MYL1: variants seen among roughly 807,000 people sequenced by gnomAD.
The protein encoded by MYL1 is myosin light chain 1/3, skeletal muscle isoform.
A neutral mutation model predicts 21.8 loss-of-function variants in MYL1; 16 were observed. The observed-to-expected ratio is 0.74, with a 90% CI of 0.50 to 1.12. The LOEUF (loss-of-function observed/expected upper bound fraction) is 1.12, where lower values mean the gene tolerates loss of function less well. Ranked by LOEUF, MYL1 falls within the 50% of genes most tolerant of loss-of-function variation. The pLI is 0.00. For synonymous variants in MYL1, 99 were observed against 85.2 expected, an observed-to-expected ratio of 1.16 and a Z score of -0.89; for missense variants, 246 against 241.0, an observed-to-expected ratio of 1.02 and a Z score of -0.14.
intron 3 of MYL1, among the ~76,000 whole-genome samples, chr2:210,296,909 T>C (rs958608798): frequency 6.6e-6 from 1 of 152,012 alleles, no homozygotes; most frequent in Non-Finnish European, 1.5e-5. Context: ...CTGGCTCATT[T>C]TACTTAACAT....
At chr2:210,291,219 T>C (rs986659879) in intron 5 of MYL1, 145 bp from the exon 6 acceptor site, 3 of 621,554 alleles carry the variant, frequency 4.8e-6, no homozygotes, top group Non-Finnish European at 8.3e-6. Context: ...TGTGTATAGC[T>C]CATAATTCTT....
intron 4 of MYL1, 99 bp from the exon 5 acceptor site, chr2:210,293,899 A>G: frequency 1.0e-6 from 1 of 982,934 alleles, no homozygotes. Flanking sequence ...TAAACTCTTG[A>G]CATATAGGAA....
rs1324396165 is a variant in MYL1 at position 210,291,077 on chromosome 2, G to A, written c.557-3C>T. 1.9e-6 allele frequency: 3 copies of A among 1,609,420 alleles called. No individual in the cohort carries two copies. Among genetic ancestry groups the A allele is most frequent in the Admixed American group, 1.7e-5 (1 of 59,898 alleles). ...AGACATGATGTGCTTGACAAAAGCT[G>A]TAGGAGCAAAATAGACAAAATAGAC... On this transcript the variant is annotated splice_polypyrimidine_tract_variant and splice_region_variant and intron_variant, in intron 5 of 6. Transcript: ENST00000352451.
intron 3 of MYL1, among the ~76,000 whole-genome samples, chr2:210,296,888 T>C (rs867037536): frequency 6.6e-6 from 1 of 152,074 alleles, no homozygotes; most frequent in Non-Finnish European, 1.5e-5. Flanking sequence ...TGTAGACTTA[T>C]CTTTCCATCC....
At chr2:210,293,302 C>T (rs1292421332) in intron 5 of MYL1, among the ~76,000 whole-genome samples, 1 of 152,172 alleles carries the variant, frequency 6.6e-6, no homozygotes, top group South Asian at 2.1e-4. Flanking sequence ...GTAAATTTTA[C>T]CACCAGCCTG....
chr2:210,291,021 C>G lies in MYL1; in HGVS notation c.*14+11G>C. The G allele has an allele frequency of 1.3e-6, 2 of 1,558,626 alleles. No homozygotes were observed. The highest frequency in any genetic ancestry group is 1.8e-5 in the Admixed American group (1 of 54,764). ...AAATCCTTAAATATTAAAGAGGGAA[C>G]TGGTATATACCTTGAGAGCTCCATT... On this transcript the variant is annotated intron_variant, in intron 6 of 6. Coordinates refer to ENST00000352451, the MANE Select transcript of MYL1 (RefSeq NM_079420.3).
rs534120817 is a variant in MYL1 at position 210,294,441 on chromosome 2, G to A, written c.305-23C>T. On this transcript the variant is annotated intron_variant, in intron 3 of 6. Transcript: ENST00000352451. Reference sequence around the variant, plus strand: ...GCTCTGTAAGAAATTGCAATTTTGAGGGTTATTAGCTACCATAATACTAAC... The same window carrying A: ...GCTCTGTAAGAAATTGCAATTTTGAAGGTTATTAGCTACCATAATACTAAC... The A allele has an allele frequency of 1.2e-4, 195 of 1,606,246 alleles. 2 individuals carry two copies. In the South Asian group the frequency reaches 2.1e-3, roughly 17 times the overall value.
chr2:210,314,814 A>G (rs1240847586), intron 1 of MYL1, 97 bp downstream of exon 1: 3 of 1,323,462 alleles, frequency 2.3e-6, no homozygotes, highest in Non-Finnish European at 3.2e-6. Flanking sequence ...AAATAATGCT[A>G]TTCCTCTCAA....
In MYL1 at chr2:210,315,076, G is replaced by C. The variant is rs1176318865; in HGVS notation, c.-34C>G. The C allele has an allele frequency of 1.3e-6, 2 of 1,588,062 alleles. No homozygotes were observed. The highest frequency in any genetic ancestry group is 8.5e-7 in the Non-Finnish European group (1 of 1,174,078). ...TTAAAAGGGTGGGTTAAAAAGAGAA[G>C]GAGTTCCTCCAAAAGAACCTGTCAA... On this transcript the variant is annotated 5_prime_UTR_variant, in exon 1 of 7. Coordinates refer to ENST00000352451, the MANE Select transcript of MYL1 (RefSeq NM_079420.3).
chr2:210,294,032 C>T (rs1013019674), intron 4 of MYL1, among the ~76,000 whole-genome samples: 2 of 152,174 alleles, frequency 1.3e-5, no homozygotes, highest in Non-Finnish European at 2.9e-5. Flanking sequence ...CCATGCTTTC[C>T]TTTACTTATT....
At chr2:210,295,175 A>G (rs1690154105) in intron 3 of MYL1, among the ~76,000 whole-genome samples, 1 of 152,200 alleles carries the variant, frequency 6.6e-6, no homozygotes, top group South Asian at 2.1e-4. Flanking sequence ...TCACCAAATC[A>G]AATTTTTTTT....
chr2:210,312,159 TA>T (rs1690426972), intron 1 of MYL1, among the ~76,000 whole-genome samples: 3 of 151,964 alleles, frequency 2.0e-5, no homozygotes, highest in African/African-American at 7.2e-5. Context: ...ACATAGATAT[TA>T]GCTGGGAATA....
At chr2:210,303,053 T>C in intron 1 of MYL1, 1 of 506,972 alleles carries the variant, frequency 2.0e-6, no homozygotes, top group Non-Finnish European at 3.5e-6. Flanking sequence ...CTATAGTATA[T>C]TTAAGATATG....
At chr2:210,307,121 C>T (rs1454625985) in intron 1 of MYL1, among the ~76,000 whole-genome samples, 1 of 152,114 alleles carries the variant, frequency 6.6e-6, no homozygotes, top group Non-Finnish European at 1.5e-5. Flanking sequence ...CTCTGTTTCC[C>T]CCAGTATTCA....
chr2:210,290,517 A>C (rs1248382348), intron 6 of MYL1, 50 bp from the exon 7 acceptor site: 2 of 152,352 alleles, frequency 1.3e-5, no homozygotes, highest in East Asian at 3.8e-4. Context: ...ATCTTTTCAG[A>C]AAGAAAACTC....
At chr2:210,295,563 T>C (rs1690160671) in intron 3 of MYL1, among the ~76,000 whole-genome samples, 1 of 152,156 alleles carries the variant, frequency 6.6e-6, no homozygotes, top group African/African-American at 2.4e-5. Flanking sequence ...GGAGGATTGC[T>C]TGAGCCTGGG....
At position 210,297,112 on chromosome 2, in the gene MYL1, G is replaced by T. The variant is rs369104170; in HGVS notation, c.304+1308C>A. ...ATGTTGATTCCATATCTTGGGCATC[G>T]TAAATAGTGTTGCAGTAAGCATGAG... On this transcript the variant is annotated intron_variant, in intron 3 of 6. Coordinates refer to ENST00000352451, the MANE Select transcript of MYL1 (RefSeq NM_079420.3). Among the ~76,000 whole-genome samples, 24 of 150,816 alleles carry T rather than the reference G, an allele frequency of 1.6e-4. No individual in the cohort carries two copies. In the South Asian group the frequency reaches 5.0e-3, roughly 32 times the overall value.
chr2:210,313,251 G>T (rs1359714159), intron 1 of MYL1, among the ~76,000 whole-genome samples: 2 of 151,808 alleles, frequency 1.3e-5, no homozygotes, highest in Non-Finnish European at 3.0e-5. Context: ...CTTTACAGAA[G>T]TTTGTAATAC....
intron 1 of MYL1, among the ~76,000 whole-genome samples, chr2:210,309,278 C>CAGGAATTGAAT (rs1369065263): frequency 6.6e-6 from 1 of 151,824 alleles, no homozygotes; most frequent in African/African-American, 2.4e-5. Context: ...TTTAGATAAA[C>CAGGAATTGAAT]AAAACATAAC....
Sources: allele counts gnomAD v4.1 joint callset (sites outside exome capture counted in the v4.1 genomes callset), GRCh38; gene constraint gnomAD v4.1.1; transcripts MANE v1.5; gene names NCBI Gene and HGNC (gene_info 2026-07-23, HGNC 2026-07-21).